ARL15: variants seen among roughly 807,000 people sequenced by gnomAD.
The protein encoded by ARL15 is ADP-ribosylation factor-like protein 15.
A neutral mutation model predicts 25.2 loss-of-function variants in ARL15; 19 were observed. The observed-to-expected ratio is 0.75, with a 90% CI of 0.53 to 1.10. The LOEUF (loss-of-function observed/expected upper bound fraction) is 1.10. Among genes scored for constraint, ARL15 ranks in the 50% least tolerant of loss-of-function variants. The pLI, the probability that ARL15 is intolerant of heterozygous loss-of-function variation, is 0.00. For synonymous variants in ARL15, 94 were observed against 86.8 expected (o/e 1.08, Z -0.46); for missense variants, 220 against 246.0 (o/e 0.89, Z 0.71).
chr5:54,154,537 T>A (rs375786010), intron 3 of ARL15, 43 bp downstream of exon 3: 1 of 1,308,334 alleles, frequency 7.6e-7, no homozygotes, highest in Middle Eastern at 1.8e-4. Context: ...ACCAAATTCA[T>A]AAAAGTTAAG....
At chr5:54,036,248 G>A (rs566372584) in intron 4 of ARL15, among the ~76,000 whole-genome samples, 1 of 152,158 alleles carries the variant, frequency 6.6e-6, no homozygotes, top group African/African-American at 2.4e-5. Context: ...TATCCCTCAT[G>A]TAAATTACAT....
At chr5:54,152,902 T>C (rs1400398081) in intron 3 of ARL15, among the ~76,000 whole-genome samples, 2 of 152,242 alleles carry the variant, frequency 1.3e-5, no homozygotes, top group Non-Finnish European at 2.9e-5. Context: ...TGAATTTTGA[T>C]GGCACAGAGC....
chr5:54,082,393 T>A (rs981469056), intron 4 of ARL15, among the ~76,000 whole-genome samples: 1 of 152,190 alleles, frequency 6.6e-6, no homozygotes. Context: ...GACTTTTTTT[T>A]AACCACCATA....
At chr5:54,289,375 A>G (rs72756281) in intron 1 of ARL15, among the ~76,000 whole-genome samples, 1,669 of 152,008 alleles carry the variant, frequency 0.011, 14 homozygotes, top group Middle Eastern at 0.024. Flanking sequence ...AAAAAAAAAA[A>G]AGAGAGAATG....
intron 4 of ARL15, among the ~76,000 whole-genome samples, chr5:53,992,838 G>GTAACCTGAGGTCAA (rs369765653): frequency 9.7e-6 from 1 of 103,166 alleles, no homozygotes; most frequent in South Asian, 3.7e-4. Context: ...AGGTGGGTCG[G>GTAACCTGAGGTCAA]GAGTTTGAGA....
intron 4 of ARL15, among the ~76,000 whole-genome samples, chr5:54,081,308 A>G (rs936225281): frequency 6.6e-6 from 1 of 152,238 alleles, no homozygotes; most frequent in Admixed American, 6.5e-5. Flanking sequence ...TTTGTTTGAA[A>G]TAACTCCTTC....
intron 3 of ARL15, among the ~76,000 whole-genome samples, chr5:54,138,757 C>T (rs891486207): frequency 6.6e-6 from 1 of 152,054 alleles, no homozygotes; most frequent in Admixed American, 6.5e-5. Context: ...GAGAAAAAAT[C>T]TGCAAACTAT....
At chr5:54,218,145 C>G (rs13166445) in intron 1 of ARL15, among the ~76,000 whole-genome samples, 2 of 152,126 alleles carry the variant, frequency 1.3e-5, no homozygotes, top group Non-Finnish European at 2.9e-5. Context: ...AGGAAGACTT[C>G]AGAGAGACAC....
In ARL15 at chr5:54,235,020, G is replaced by A. The variant is rs189512766; in HGVS notation, c.49-63092C>T. ...AATTCCTATGAATTGATTATACATC[G>A]GCTATCCAAAATAATCTGTTCAAAT... is the stretch of plus-strand genomic sequence containing the variant. On this transcript the variant is annotated intron_variant, in intron 1 of 4. Coordinates refer to ENST00000504924, the MANE Select transcript of ARL15 (RefSeq NM_019087.3). Among the ~76,000 whole-genome samples the A allele has an allele frequency of 3.2e-3, 492 of 152,166 alleles. 1 individual carries two copies. Among genetic ancestry groups the A allele is most frequent in the Non-Finnish European group, 4.5e-3 (306 of 68,012 alleles).
intron 4 of ARL15, among the ~76,000 whole-genome samples, chr5:54,061,557 C>T (rs544246255): frequency 1.3e-5 from 2 of 152,218 alleles, no homozygotes; most frequent in African/African-American, 4.8e-5. Context: ...TTGCAGTGAA[C>T]TCCACTGAAC....
chr5:54,258,639 C>G lies in ARL15; in HGVS notation c.48+51793G>C, dbSNP rs545135007. Reference sequence around the variant, plus strand: ...AAATTCCCCAGGGCACTTAATTCTACCTGGGGCCAAAAAAGTCCCCAATGC... The same window carrying G: ...AAATTCCCCAGGGCACTTAATTCTAGCTGGGGCCAAAAAAGTCCCCAATGC... On this transcript the variant is annotated intron_variant, in intron 1 of 4. Coordinates refer to ENST00000504924, the MANE Select transcript of ARL15 (RefSeq NM_019087.3). Among the ~76,000 whole-genome samples, 4 of 152,316 alleles carry G rather than the reference C, an allele frequency of 2.6e-5. No individual in the cohort carries two copies. In the South Asian group the frequency reaches 6.2e-4, roughly 24 times the overall value.
At chr5:53,948,596 A>G (rs1746830513) in intron 4 of ARL15, among the ~76,000 whole-genome samples, 1 of 152,220 alleles carries the variant, frequency 6.6e-6, no homozygotes, top group Non-Finnish European at 1.5e-5. Context: ...TTATCTAACA[A>G]ATTTCCAAAA....
chr5:53,985,104 A>G lies in ARL15; in HGVS notation c.463-98391T>C, dbSNP rs537612136. Among the ~76,000 whole-genome samples the G allele has an allele frequency of 1.4e-4, 22 of 152,304 alleles. No individual in the cohort carries two copies. In the South Asian group the frequency reaches 4.6e-3, roughly 32 times the overall value. The stretch of plus-strand genomic sequence containing the variant: ...GATTCTAGCCCATGTGTTTACATAG[A>G]GGGTGAGTACATGCAAATGTTGTAC... On this transcript the variant is annotated intron_variant, in intron 4 of 4. Transcript: ENST00000504924.
At chr5:54,103,960 T>C (rs575330058) in intron 4 of ARL15, among the ~76,000 whole-genome samples, 132 of 152,326 alleles carry the variant, frequency 8.7e-4, no homozygotes, top group Non-Finnish European at 1.6e-3. Flanking sequence ...TCTGCCTCAT[T>C]ATGAACATTG....
At chr5:54,221,306 G>A (rs1471220910) in intron 1 of ARL15, among the ~76,000 whole-genome samples, 1 of 152,170 alleles carries the variant, frequency 6.6e-6, no homozygotes, top group Non-Finnish European at 1.5e-5. Context: ...TTACACAGGG[G>A]CTTTCCTGGG....
intron 4 of ARL15, among the ~76,000 whole-genome samples, chr5:53,923,731 G>A (rs978423554): frequency 1.3e-5 from 2 of 152,092 alleles, no homozygotes; most frequent in African/African-American, 4.8e-5. Flanking sequence ...CAGGCGTGGT[G>A]GCGGGCGCCC....
At chr5:54,196,544 T>TA (rs1028448369) in intron 1 of ARL15, among the ~76,000 whole-genome samples, 1 of 152,118 alleles carries the variant, frequency 6.6e-6, no homozygotes, top group Admixed American at 6.6e-5. Flanking sequence ...AGTATTGACT[T>TA]ACAAATAAAG....
intron 1 of ARL15, among the ~76,000 whole-genome samples, chr5:54,203,465 T>C (rs1034540246): frequency 6.6e-6 from 1 of 152,200 alleles, no homozygotes; most frequent in Non-Finnish European, 1.5e-5. Flanking sequence ...CTATTTTATA[T>C]TTAACACTAT....
chr5:54,221,870 CAA>C (rs55914195), intron 1 of ARL15, among the ~76,000 whole-genome samples: 8 of 140,376 alleles, frequency 5.7e-5, no homozygotes, highest in South Asian at 4.5e-4. Context: ...CACACACACA[CAA>C]AACCCTCATG....
Sources: allele counts gnomAD v4.1 joint callset (sites outside exome capture counted in the v4.1 genomes callset), GRCh38; gene constraint gnomAD v4.1.1; transcripts MANE v1.5; gene names NCBI Gene and HGNC (gene_info 2026-07-23, HGNC 2026-07-21).